IFT43: variants seen among roughly 807,000 people sequenced by gnomAD.
IFT43 encodes the protein intraflagellar transport 43.
Under a neutral mutation model 32.3 loss-of-function variants are expected in IFT43, and 33 were observed. The observed-to-expected ratio is 1.02, with a 90% confidence interval of 0.77 to 1.37. The LOEUF is 1.37. IFT43 is among the 40% of genes most tolerant of loss of function. The pLI is 0.00. For missense variants in IFT43, 274 were observed against 265.9 expected (o/e 1.03, Z -0.21); for synonymous variants, 93 against 98.2 (o/e 0.95, Z 0.31).
chr14:76,035,755 G>T (rs1234456539), intron 3 of IFT43, among the ~76,000 whole-genome samples: 1 of 152,218 alleles, frequency 6.6e-6, no homozygotes, highest in Admixed American at 6.5e-5. Context: ...AGCTGGAGCT[G>T]CCCAGCTGGT....
chr14:76,028,579 A>C (rs1311252658), intron 3 of IFT43, among the ~76,000 whole-genome samples: 1 of 152,100 alleles, frequency 6.6e-6, no homozygotes, highest in Non-Finnish European at 1.5e-5. Context: ...GACAGTGAGC[A>C]CAGTACCCAA....
intron 5 of IFT43, among the ~76,000 whole-genome samples, chr14:76,071,136 C>CG (rs2037314208): frequency 6.6e-6 from 1 of 152,082 alleles, no homozygotes; most frequent in South Asian, 2.1e-4. Flanking sequence ...ATAGTGGGAA[C>CG]GGGGGCCGGG....
chr14:75,999,260 TATATA>T (rs2035824809), intron 2 of IFT43, among the ~76,000 whole-genome samples: 2 of 19,760 alleles, frequency 1.0e-4, no homozygotes, highest in South Asian at 3.6e-3. Context: ...TATATATATA[TATATA>T]TATATATGTA....
chr14:75,988,674 A>G (rs1314775985), intron 1 of IFT43, among the ~76,000 whole-genome samples: 2 of 152,162 alleles, frequency 1.3e-5, no homozygotes, highest in South Asian at 2.1e-4. Flanking sequence ...GCCCGCCACA[A>G]CGCCAGGCTA....
At chr14:76,080,237 C>T (rs2037485094) in intron 5 of IFT43, among the ~76,000 whole-genome samples, 1 of 152,212 alleles carries the variant, frequency 6.6e-6, no homozygotes, top group Non-Finnish European at 1.5e-5. Context: ...GGGCACCAGG[C>T]TTCCAATTAG....
intron 2 of IFT43, among the ~76,000 whole-genome samples, chr14:75,999,282 T>TATATATATA (rs1491301918): frequency 3.8e-5 from 1 of 26,524 alleles, no homozygotes; most frequent in African/African-American, 1.6e-4. Flanking sequence ...TGTATATATA[T>TATATATATA]TTTTTTTTTT....
intron 3 of IFT43, 53 bp downstream of exon 3, chr14:76,022,447 G>T: frequency 1.9e-6 from 2 of 1,035,012 alleles, no homozygotes; most frequent in South Asian, 1.4e-5. Context: ...CGGTTGGGGG[G>T]ACTTTGCTCC....
rs1566699614 is a variant in IFT43 at position 75,999,268 on chromosome 14, TATATG to T, written c.147+10292_147+10296del. 1.5e-3 allele frequency among the ~76,000 whole-genome samples: 39 copies of T among 25,490 alleles called. 1 individual carries two copies. The highest frequency in any genetic ancestry group is 0.012 in the South Asian group (8 of 660). The allele number at this position is 25,490 out of a possible 152,430, so 16.7% of individuals were successfully genotyped here. A position where few individuals can be genotyped will look rare whatever the true frequency, so the allele number is the denominator to read the frequency against. ...ATATATATATATATATATATATATA[TATATG>T]TATATATATTTTTTTTTTTTTTTTT... On this transcript the variant is annotated intron_variant, in intron 2 of 8. Coordinates refer to ENST00000314067, the MANE Select transcript of IFT43 (RefSeq NM_001102564.3).
intron 5 of IFT43, among the ~76,000 whole-genome samples, chr14:76,066,543 A>C (rs1340026151): frequency 6.6e-6 from 1 of 152,248 alleles, no homozygotes; most frequent in East Asian, 1.9e-4. Flanking sequence ...TTGCTCAGAG[A>C]ATTACTTGGT....
intron 3 of IFT43, among the ~76,000 whole-genome samples, chr14:76,046,890 A>C (rs1472488371): frequency 6.6e-6 from 1 of 152,176 alleles, no homozygotes; most frequent in Non-Finnish European, 1.5e-5. Flanking sequence ...GTAGTTTATA[A>C]ATAATGGAAA....
chr14:76,016,700 A>C (rs546818573), intron 2 of IFT43, among the ~76,000 whole-genome samples: 1 of 152,062 alleles, frequency 6.6e-6, no homozygotes, highest in Non-Finnish European at 1.5e-5. Flanking sequence ...TGGGATGTCT[A>C]TTTGTTTATG....
At chr14:76,056,140 G>A (rs2037010495) in intron 3 of IFT43, among the ~76,000 whole-genome samples, 1 of 152,204 alleles carries the variant, frequency 6.6e-6, no homozygotes, top group Non-Finnish European at 1.5e-5. Flanking sequence ...CTGCAGGCTA[G>A]GTAAGGCTGG....
intron 5 of IFT43, chr14:76,059,749 C>CACT (rs1198149678): frequency 3.0e-6 from 1 of 335,388 alleles, no homozygotes; most frequent in Non-Finnish European, 5.8e-6. Flanking sequence ...ATATCCCAAG[C>CACT]ACTGTCCTTC....
chr14:75,999,252 TATATATATATATATATATATGTATA>T (rs1355215670), intron 2 of IFT43, among the ~76,000 whole-genome samples: 156 of 11,404 alleles, frequency 0.014, 11 homozygotes, highest in African/African-American at 0.055. Context: ...TATATATATA[TATATATATATATATATATATGTATA>T]TATATTTTTT....
intron 2 of IFT43, among the ~76,000 whole-genome samples, chr14:76,007,547 G>T (rs7149264): frequency 0.85 from 129,914 of 152,088 alleles, 55,722 homozygotes; most frequent in African/African-American, 0.91. Flanking sequence ...AGGTAGCAAG[G>T]CTAGACTGTG....
At chr14:75,992,184 CAG>C (rs2035656763) in intron 2 of IFT43, among the ~76,000 whole-genome samples, 2 of 152,320 alleles carry the variant, frequency 1.3e-5, no homozygotes, top group East Asian at 1.9e-4. Flanking sequence ...AGAAAGAACA[CAG>C]GGCTTCGCAC....
At chr14:76,016,035 A>G (rs59635880) in intron 2 of IFT43, among the ~76,000 whole-genome samples, 20,591 of 151,990 alleles carry the variant, frequency 0.14, 1,737 homozygotes, top group Non-Finnish European at 0.19. Context: ...GTTTTTTGCT[A>G]TTGAATTGTT....
chr14:76,073,335 G>A (rs1346421243), intron 5 of IFT43, among the ~76,000 whole-genome samples: 2 of 152,214 alleles, frequency 1.3e-5, no homozygotes, highest in African/African-American at 4.8e-5. Flanking sequence ...TGCATCTGAA[G>A]TTGGACTTAG....
At chr14:76,009,108 G>A (rs1394585503) in intron 2 of IFT43, among the ~76,000 whole-genome samples, 1 of 152,158 alleles carries the variant, frequency 6.6e-6, no homozygotes, top group Non-Finnish European at 1.5e-5. Context: ...GCCCAGATTG[G>A]TTGTTTTCTA....
Sources: allele counts gnomAD v4.1 joint callset (sites outside exome capture counted in the v4.1 genomes callset), GRCh38; gene constraint gnomAD v4.1.1; transcripts MANE v1.5; gene names NCBI Gene and HGNC (gene_info 2026-07-23, HGNC 2026-07-21).